TTC23L: variants seen among roughly 807,000 people sequenced by gnomAD.
TTC23L encodes the protein tetratricopeptide repeat protein 23-like.
In TTC23L, 42 loss-of-function variants were observed where a neutral mutation model predicts 48.1. The ratio of observed to expected loss-of-function variants is 0.87; its 90% CI spans 0.68 to 1.13. TTC23L has a LOEUF of 1.13. TTC23L is among the 50% of genes most tolerant of loss of function. TTC23L has a pLI of 0.00. For synonymous variants in TTC23L, 159 were observed against 157.2 expected (o/e 1.01, Z -0.09); for missense variants, 391 against 421.0 (o/e 0.93, Z 0.62).
At chr5:34,850,234 T>G in exon 4 of TTC23L, 1 of 1,613,898 alleles carries the variant, frequency 6.2e-7, no homozygotes, top group Non-Finnish European at 8.5e-7. Context: ...CTTTCTCGGA[T>G]TATTTTTGGG....
chr5:34,868,803 G>T, intron 7 of TTC23L, 102 bp from the exon 8 acceptor site: 1 of 906,284 alleles, frequency 1.1e-6, no homozygotes. Flanking sequence ...AAGACTCATA[G>T]CTAGGAAGTG....
At chr5:34,910,983 T>C in the TTC23L span, among the ~76,000 whole-genome samples, 1 of 152,248 alleles carries the variant, frequency 6.6e-6, no homozygotes, top group Non-Finnish European at 1.5e-5. Flanking sequence ...CAATCCTCCC[T>C]AAATCCTTAT....
rs756598855 is a variant in TTC23L at position 34,866,961 on chromosome 5, T to G, written c.732T>G (p.Ile244Met). 2.5e-6 allele frequency: 4 copies of G among 1,610,786 alleles called. No homozygotes were observed. The South Asian group carries it at 4.4e-5, about 18-fold the overall frequency. The stretch of plus-strand genomic sequence containing the variant: ...TTGAAAAGGCAATTGGCGATGTTAT[T>G]GCTGCCAAGGGTGATAGGACGTCAG... Residue 244 changes from isoleucine (I) to methionine (M), a missense_variant, in exon 7 of 11, where the codon ATT (isoleucine) becomes ATG (methionine). Transcript: ENST00000505624.
intron 9 of TTC23L, among the ~76,000 whole-genome samples, chr5:34,890,260 C>CA (rs1482777753): frequency 6.6e-6 from 1 of 151,470 alleles, no homozygotes; most frequent in Non-Finnish European, 1.5e-5. Flanking sequence ...GCCTGGGCAA[C>CA]ATGGTGAAGC....
At chr5:34,858,683 TA>T (rs146615654) in intron 4 of TTC23L, among the ~76,000 whole-genome samples, 10 of 149,480 alleles carry the variant, frequency 6.7e-5, no homozygotes, top group South Asian at 2.1e-4. Flanking sequence ...AGGCTTCAGA[TA>T]AAAAAAAAAT....
At chr5:34,842,072 T>C (rs75086624) in intron 2 of TTC23L, among the ~76,000 whole-genome samples, 4,553 of 152,290 alleles carry the variant, frequency 0.03, 226 homozygotes, top group African/African-American at 0.1. Context: ...TATACCAGTG[T>C]CATCAAATAG....
intron 8 of TTC23L, among the ~76,000 whole-genome samples, chr5:34,879,829 CT>C (rs1465860469): frequency 1.3e-5 from 2 of 152,098 alleles, no homozygotes; most frequent in Non-Finnish European, 2.9e-5. Flanking sequence ...AACCCCATCT[CT>C]ACTAAAAATA....
At chr5:34,922,877 T>G in the TTC23L span, 1 of 1,252,624 alleles carries the variant, frequency 8.0e-7, no homozygotes, top group Non-Finnish European at 1.2e-6. Context: ...CTTGGTTTTA[T>G]GGATTATCAA....
At chr5:34,880,101 ATG>A in intron 8 of TTC23L, 78 bp from the exon 9 acceptor site, 1 of 1,511,158 alleles carries the variant, frequency 6.6e-7, no homozygotes, top group East Asian at 2.3e-5. Context: ...AAGCATGAAA[ATG>A]TCAATTGAGC....
intron 2 of TTC23L, 101 bp downstream of exon 2, chr5:34,840,840 C>A: frequency 1.8e-6 from 2 of 1,082,064 alleles, no homozygotes; most frequent in Non-Finnish European, 1.4e-6. Context: ...GCATGAGAAG[C>A]GTTCACGACC....
intron 4 of TTC23L, among the ~76,000 whole-genome samples, chr5:34,854,185 T>G (rs1254745687): frequency 6.6e-6 from 1 of 152,204 alleles, no homozygotes; most frequent in Admixed American, 6.5e-5. Flanking sequence ...AATAGAGAAC[T>G]ACGTTGGGGC....
chr5:34,886,363 TAAAA>T (rs3032938), intron 9 of TTC23L, among the ~76,000 whole-genome samples: 5 of 123,380 alleles, frequency 4.1e-5, no homozygotes, highest in South Asian at 2.8e-4. Flanking sequence ...CAGGCTGATT[TAAAA>T]AAAAAAAAAA....
At chr5:34,923,540 A>G in the TTC23L span, among the ~76,000 whole-genome samples, 14 of 152,164 alleles carry the variant, frequency 9.2e-5, no homozygotes, top group East Asian at 1.2e-3. Context: ...GGCCTCCCAA[A>G]GTGCTGGGAT....
chr5:34,922,535 T>C, the TTC23L span: 178 of 1,596,236 alleles, frequency 1.1e-4, no homozygotes, highest in Non-Finnish European at 1.5e-4. Context: ...TCCATATCTT[T>C]CAGGCTTTCA....
chr5:34,897,012 G>GA (rs74810232), intron 10 of TTC23L, 137 bp downstream of exon 10: 25,943 of 354,944 alleles, frequency 0.073, 3 homozygotes, highest in South Asian at 0.092. Flanking sequence ...ATCATTTAAG[G>GA]AAAAAAAAAA....
the TTC23L span, chr5:34,921,067 G>A: frequency 6.6e-6 from 1 of 152,024 alleles, no homozygotes; most frequent in African/African-American, 2.4e-5. Flanking sequence ...AGCTTTGCCA[G>A]GTTGCTCAGA....
chr5:34,864,280 T>C (rs1431501178), intron 5 of TTC23L, among the ~76,000 whole-genome samples, 157 bp from the exon 6 acceptor site: 1 of 152,214 alleles, frequency 6.6e-6, no homozygotes, highest in African/African-American at 2.4e-5. Flanking sequence ...TTCTTGCTTC[T>C]TGACAACATA....
chr5:34,923,278 GTTTA>G, the TTC23L span: 3 of 1,395,830 alleles, frequency 2.1e-6, no homozygotes, highest in Non-Finnish European at 2.0e-6. Context: ...TTTTAATTGA[GTTTA>G]TTTATTTATG....
intron 4 of TTC23L, among the ~76,000 whole-genome samples, chr5:34,857,317 T>C (rs2150378585): frequency 6.6e-6 from 1 of 152,356 alleles, no homozygotes; most frequent in Non-Finnish European, 1.5e-5. Flanking sequence ...TGCTTATTAA[T>C]GAAACAGTAC....
Sources: gnomAD v4.1 joint callset for allele counts (sites outside exome capture counted in the v4.1 genomes callset) on GRCh38, gnomAD v4.1.1 for gene constraint, MANE v1.5 for transcripts, NCBI Gene and HGNC (gene_info 2026-07-23, HGNC 2026-07-21) for gene names.